ARHGAP26: variants seen among roughly 807,000 people sequenced by gnomAD.
The protein encoded by ARHGAP26 is Rho GTPase activating protein 26, also known as rho GTPase-activating protein 26.
A neutral mutation model predicts 104.8 loss-of-function variants in ARHGAP26; 38 were observed. The observed-to-expected ratio is 0.36, with a 90% CI of 0.28 to 0.48. The LOEUF (loss-of-function observed/expected upper bound fraction) is 0.48, where lower values mean the gene tolerates loss of function less well. Among genes scored for constraint, ARHGAP26 ranks in the 20% least tolerant of loss-of-function variants. The pLI, the probability that ARHGAP26 is intolerant of heterozygous loss-of-function variation, is 0.99. For synonymous variants in ARHGAP26, 341 were observed against 340.0 expected (o/e 1.00, Z -0.03); for missense variants, 704 against 947.9 (o/e 0.74, Z 3.38).
chr5:143,209,523 G>A (rs1227632485), intron 21 of ARHGAP26, among the ~76,000 whole-genome samples: 1 of 152,128 alleles, frequency 6.6e-6, no homozygotes. Flanking sequence ...GTTCACAGCT[G>A]TAATCCCAGC....
chr5:143,095,130 GATATATTC>G (rs1167098428), intron 17 of ARHGAP26, among the ~76,000 whole-genome samples: 1 of 150,314 alleles, frequency 6.7e-6, no homozygotes, highest in Non-Finnish European at 1.5e-5. Context: ...ATTCATTTTA[GATATATTC>G]ATATATTCAT....
chr5:143,060,138 A>G (rs770421206), intron 17 of ARHGAP26, among the ~76,000 whole-genome samples: 4 of 152,160 alleles, frequency 2.6e-5, no homozygotes, highest in Non-Finnish European at 5.9e-5. Context: ...CAGTTTTCTC[A>G]GGTTTAGACT....
intron 20 of ARHGAP26, among the ~76,000 whole-genome samples, chr5:143,188,434 C>T (rs1441384454): frequency 6.6e-6 from 1 of 152,212 alleles, no homozygotes; most frequent in East Asian, 1.9e-4. Flanking sequence ...ATTTGATTTT[C>T]TTTCATTTTT....
chr5:142,771,321 A>G lies in ARHGAP26; in HGVS notation c.154+406A>G, dbSNP rs1729675305. On this transcript the variant is annotated intron_variant, in intron 1 of 22. Transcript: ENST00000645722. ...AGAGTTGCTCAGCCTTGAGTGCCCA[A>G]CCGTGAGAATGGAGCGTGCCCTGCC... The G allele has an allele frequency of 6.5e-6, 8 of 1,232,884 alleles. No individual in the cohort carries two copies. In the East Asian group the frequency reaches 9.5e-5, roughly 15 times the overall value. The allele number at this position is 1,232,884 out of a possible 1,614,324, so 76.4% of individuals were successfully genotyped here.
At chr5:143,185,663 C>T (rs1805033551) in intron 20 of ARHGAP26, among the ~76,000 whole-genome samples, 1 of 152,210 alleles carries the variant, frequency 6.6e-6, no homozygotes, top group African/African-American at 2.4e-5. Context: ...AGTATCAATC[C>T]TTGCCATTCT....
chr5:142,819,879 C>T (rs1487428247), intron 1 of ARHGAP26, among the ~76,000 whole-genome samples: 1 of 151,596 alleles, frequency 6.6e-6, no homozygotes, highest in Non-Finnish European at 1.5e-5. Flanking sequence ...GTTAAGAAGC[C>T]CTGACTGGTG....
chr5:142,808,251 A>G (rs1424408160), intron 1 of ARHGAP26, among the ~76,000 whole-genome samples: 3 of 138,284 alleles, frequency 2.2e-5, no homozygotes, highest in African/African-American at 9.4e-5. Flanking sequence ...AAAAAAAAAA[A>G]AAAAAAAAAA....
At chr5:143,165,560 T>A (rs1242068416) in intron 20 of ARHGAP26, 1 of 152,388 alleles carries the variant, frequency 6.6e-6, no homozygotes, top group Non-Finnish European at 1.5e-5. Context: ...CAATGATCAC[T>A]TCCTTTTTAA....
At chr5:142,853,783 CT>C (rs2152275051) in intron 1 of ARHGAP26, among the ~76,000 whole-genome samples, 1 of 152,258 alleles carries the variant, frequency 6.6e-6, no homozygotes, top group Non-Finnish European at 1.5e-5. Flanking sequence ...CAGCACTTAC[CT>C]TTTCCACTTG....
chr5:142,870,970 T>C (rs534742075), intron 1 of ARHGAP26, among the ~76,000 whole-genome samples: 1 of 152,230 alleles, frequency 6.6e-6, no homozygotes, highest in African/African-American at 2.4e-5. Context: ...GTGTCCACTT[T>C]AGCTGTACTG....
At chr5:142,908,848 C>T (rs1174257621) in intron 9 of ARHGAP26, 1 of 167,372 alleles carries the variant, frequency 6.0e-6, no homozygotes, top group East Asian at 1.9e-4. Flanking sequence ...GTTCTTCCCT[C>T]CTCCTGGCTG....
In ARHGAP26 at chr5:143,165,915, T is replaced by A. The variant is rs187806231; in HGVS notation, c.1988+18534T>A. 59 of 613,344 alleles carry A rather than the reference T, an allele frequency of 9.6e-5. 1 individual carries two copies. The Admixed American group carries it at 1.5e-3, about 16-fold the overall frequency. The allele number at this position is 613,344 out of a possible 1,614,324, so 38.0% of individuals were successfully genotyped here. A position where few individuals can be genotyped will look rare whatever the true frequency, so the allele number is the denominator to read the frequency against. ...AGTAGTATCTACCTCCTAGGGTTGT[T>A]AGGATGAAATGAAATAGTTCATGTA... is the stretch of plus-strand genomic sequence containing the variant. On this transcript the variant is annotated intron_variant, in intron 20 of 22. Coordinates refer to ENST00000645722, the MANE Select transcript of ARHGAP26 (RefSeq NM_001135608.3).
chr5:142,798,267 C>T (rs1761381815), intron 1 of ARHGAP26, among the ~76,000 whole-genome samples: 2 of 152,212 alleles, frequency 1.3e-5, no homozygotes, highest in African/African-American at 2.4e-5. Flanking sequence ...GCAACAGGAC[C>T]CTTTTTCTGC....
At chr5:142,912,622 T>G (rs1198502251) in intron 9 of ARHGAP26, among the ~76,000 whole-genome samples, 1 of 152,232 alleles carries the variant, frequency 6.6e-6, no homozygotes, top group Non-Finnish European at 1.5e-5. Flanking sequence ...TAGGATCCAG[T>G]TGGGCCCAGG....
chr5:143,068,578 G>A (rs1787838637), intron 17 of ARHGAP26, among the ~76,000 whole-genome samples: 1 of 152,210 alleles, frequency 6.6e-6, no homozygotes, highest in Non-Finnish European at 1.5e-5. Flanking sequence ...TTTCTTCTAC[G>A]CCATTAACTT....
At chr5:143,091,211 G>C (rs1468070958) in intron 17 of ARHGAP26, among the ~76,000 whole-genome samples, 1 of 152,236 alleles carries the variant, frequency 6.6e-6, no homozygotes, top group Non-Finnish European at 1.5e-5. Context: ...GCTTTCCGCT[G>C]TATGAACAGC....
intron 20 of ARHGAP26, among the ~76,000 whole-genome samples, chr5:143,170,892 C>T (rs72799992): frequency 6.6e-6 from 1 of 152,108 alleles, no homozygotes; most frequent in Non-Finnish European, 1.5e-5. Flanking sequence ...CTTTTTCTTG[C>T]CCTCCATTCT....
intron 20 of ARHGAP26, among the ~76,000 whole-genome samples, chr5:143,164,737 G>A (rs1398975943): frequency 6.6e-6 from 1 of 152,184 alleles, no homozygotes; most frequent in African/African-American, 2.4e-5. Flanking sequence ...TAACCTGAGT[G>A]TTCCTGATGA....
chr5:143,041,745 C>A, intron 13 of ARHGAP26, 71 bp from the exon 14 acceptor site: 14 of 946,276 alleles, frequency 1.5e-5, no homozygotes, highest in East Asian at 2.9e-5. Flanking sequence ...AAAAAAAGTG[C>A]ATTTGGCTGG....
Sources: allele counts gnomAD v4.1 joint callset (sites outside exome capture counted in the v4.1 genomes callset), GRCh38; gene constraint gnomAD v4.1.1; transcripts MANE v1.5; gene names NCBI Gene and HGNC (gene_info 2026-07-23, HGNC 2026-07-21).